Variants in PROS1 observed in about 807,000 individuals in gnomAD.
PROS1 encodes protein S, also known as vitamin K-dependent protein S.
A neutral mutation model predicts 75.9 loss-of-function variants in PROS1; 29 were observed. That is an observed-to-expected ratio of 0.38 (90% CI 0.28 to 0.52). PROS1 has a LOEUF of 0.52. PROS1 is among the 20% of genes least tolerant of loss of function. The pLI is 0.83. For synonymous variants in PROS1, 245 were observed against 280.6 expected, an observed-to-expected ratio of 0.87 and a Z score of 1.27; for missense variants, 680 against 810.3, an observed-to-expected ratio of 0.84 and a Z score of 1.95.
chr3:93,940,371 A>G (rs1709264711), intron 1 of PROS1, among the ~76,000 whole-genome samples: 1 of 151,894 alleles, frequency 6.6e-6, no homozygotes, highest in Non-Finnish European at 1.5e-5. Flanking sequence ...TACATCTGTC[A>G]CCTTCTTAAT....
At chr3:93,912,939 C>A (rs1194322126) in intron 3 of PROS1, among the ~76,000 whole-genome samples, 2 of 152,154 alleles carry the variant, frequency 1.3e-5, no homozygotes, top group African/African-American at 2.4e-5. Flanking sequence ...CTCCAGCCCC[C>A]AAAATTCATG....
At chr3:93,965,673 T>G (rs1364412739) in intron 1 of PROS1, among the ~76,000 whole-genome samples, 1 of 152,130 alleles carries the variant, frequency 6.6e-6, no homozygotes, top group East Asian at 1.9e-4. Context: ...GACCCCCCGG[T>G]AACAACCTGA....
chr3:93,905,153 A>G (rs1255081200), intron 6 of PROS1, among the ~76,000 whole-genome samples: 1 of 152,214 alleles, frequency 6.6e-6, no homozygotes, highest in Non-Finnish European at 1.5e-5. Context: ...AAAAAATATA[A>G]TGTCTGAAAA....
chr3:93,961,701 G>A (rs1202094699), intron 1 of PROS1, among the ~76,000 whole-genome samples: 1 of 152,216 alleles, frequency 6.6e-6, no homozygotes, highest in East Asian at 1.9e-4. Context: ...TACAAAAAGA[G>A]ATAGCATAAT....
intron 14 of PROS1, among the ~76,000 whole-genome samples, chr3:93,876,731 G>T (rs1708195222): frequency 6.6e-6 from 1 of 151,726 alleles, no homozygotes; most frequent in Admixed American, 6.6e-5. Context: ...ATCCTTTCTG[G>T]CTGGGATAGC....
At chr3:93,878,032 A>G (rs1262366855) in intron 13 of PROS1, among the ~76,000 whole-genome samples, 2 of 152,206 alleles carry the variant, frequency 1.3e-5, no homozygotes, top group East Asian at 1.9e-4. Flanking sequence ...GATCAATGAT[A>G]TCTGGAATAA....
At chr3:93,955,912 G>T (rs1201481441) in intron 1 of PROS1, among the ~76,000 whole-genome samples, 2 of 152,106 alleles carry the variant, frequency 1.3e-5, no homozygotes, top group Non-Finnish European at 2.9e-5. Context: ...ACAATGGGCA[G>T]AATTTGCTTA....
intron 1 of PROS1, among the ~76,000 whole-genome samples, chr3:93,951,339 CAGAG>C (rs1428994338): frequency 2.0e-5 from 3 of 152,106 alleles, no homozygotes; most frequent in African/African-American, 7.2e-5. Flanking sequence ...TAAGGGCAGC[CAGAG>C]AGAAACGTGA....
At chr3:93,941,612 C>T (rs1709289339) in intron 1 of PROS1, among the ~76,000 whole-genome samples, 1 of 152,196 alleles carries the variant, frequency 6.6e-6, no homozygotes, top group Admixed American at 6.5e-5. Flanking sequence ...TGCTCCCACA[C>T]TAGCTCTCCC....
At chr3:93,884,993 C>A (rs1331147763) in intron 11 of PROS1, 97 bp from the exon 12 acceptor site, 16 of 1,043,794 alleles carry the variant, frequency 1.5e-5, no homozygotes, top group East Asian at 5.2e-5. Context: ...AAAATCCTTT[C>A]TTTGATAATA....
chr3:93,915,991 C>T (rs1404921060), intron 3 of PROS1, among the ~76,000 whole-genome samples: 2 of 152,076 alleles, frequency 1.3e-5, no homozygotes, highest in Non-Finnish European at 2.9e-5. Context: ...TAACAGAATA[C>T]CACAGACTCA....
chr3:93,967,561 TA>T (rs1241333595), intron 1 of PROS1, among the ~76,000 whole-genome samples: 1 of 152,144 alleles, frequency 6.6e-6, no homozygotes, highest in Non-Finnish European at 1.5e-5. Flanking sequence ...TTTTAAAAAA[TA>T]TGGTATGTTC....
At chr3:93,906,640 A>C (rs1254764378) in intron 4 of PROS1, among the ~76,000 whole-genome samples, 3 of 152,194 alleles carry the variant, frequency 2.0e-5, no homozygotes, top group African/African-American at 7.2e-5. Context: ...CACTCCTTCC[A>C]AACTGGTGGG....
At chr3:93,923,944 C>T (rs1270762651) in intron 3 of PROS1, among the ~76,000 whole-genome samples, 1 of 151,680 alleles carries the variant, frequency 6.6e-6, no homozygotes, top group Non-Finnish European at 1.5e-5. Flanking sequence ...CGCATATGCT[C>T]ATAGACTATG....
intron 1 of PROS1, among the ~76,000 whole-genome samples, chr3:93,961,073 A>C (rs1208587798): frequency 6.6e-6 from 1 of 152,152 alleles, no homozygotes; most frequent in African/African-American, 2.4e-5. Flanking sequence ...TCATGATTCT[A>C]AAAAAGGGAA....
intron 1 of PROS1, among the ~76,000 whole-genome samples, chr3:93,942,388 C>G (rs184282169): frequency 6.6e-6 from 1 of 152,244 alleles, no homozygotes; most frequent in East Asian, 1.9e-4. Flanking sequence ...TCATTAATGC[C>G]TCTTTAATGA....
Position 93,893,059 on chromosome 3 carries a change from A to T in PROS1, c.1029T>A (p.Ser343=). The T allele has an allele frequency of 6.2e-7, 1 of 1,614,060 alleles. No individual in the cohort carries two copies. The highest frequency in any genetic ancestry group is 1.1e-5 in the South Asian group (1 of 91,088). The change falls in exon 10 of 15, where the codon TCT becomes TCA. Residue 343 remains serine, a synonymous_variant. Coordinates refer to ENST00000394236, the MANE Select transcript of PROS1 (RefSeq NM_000313.4). ...TCAGGAGCCACGCTGAGTGATCGAT[A>T]GATTCTGCGTACAGTATCACGCCTT... ...DSEGVILYAE[S]IDHSAWLLIA...
chr3:93,884,201 T>A (rs1364203187), intron 12 of PROS1, among the ~76,000 whole-genome samples: 1 of 152,170 alleles, frequency 6.6e-6, no homozygotes, highest in Non-Finnish European at 1.5e-5. Context: ...AAACAACACT[T>A]GGTCAAGGGA....
chr3:93,954,257 C>T (rs1349793703), intron 1 of PROS1, among the ~76,000 whole-genome samples: 1 of 152,036 alleles, frequency 6.6e-6, no homozygotes, highest in Admixed American at 6.6e-5. Flanking sequence ...AAAAAGAGCC[C>T]GCATTGCCAA....
Sources: allele counts gnomAD v4.1 joint callset (sites outside exome capture counted in the v4.1 genomes callset), GRCh38; gene constraint gnomAD v4.1.1; transcripts MANE v1.5; gene names NCBI Gene and HGNC (gene_info 2026-07-23, HGNC 2026-07-21).